Variants in ZNF609 observed in about 807,000 individuals in gnomAD.
ZNF609 encodes the protein zinc finger protein 609.
ZNF609 carries 11 observed loss-of-function variants against 109.5 expected under a neutral mutation model. The observed-to-expected ratio is 0.10, with a 90% CI of 0.06 to 0.17. The LOEUF is 0.17. ZNF609 is among the 10% of genes least tolerant of loss of function. ZNF609 has a pLI of 1.00. For synonymous variants in ZNF609, 646 were observed against 662.0 expected, an observed-to-expected ratio of 0.98 and a Z score of 0.37; for missense variants, 1,559 against 1,772.4, an observed-to-expected ratio of 0.88 and a Z score of 2.16.
chr15:64,677,352 T>A (rs901859471), intron 5 of ZNF609, among the ~76,000 whole-genome samples: 6 of 152,204 alleles, frequency 3.9e-5, no homozygotes, highest in Non-Finnish European at 8.8e-5. Context: ...TAATGTTTTT[T>A]AAAAAGCACT....
intron 2 of ZNF609, among the ~76,000 whole-genome samples, chr15:64,580,959 T>C (rs1045981039): frequency 2.8e-3 from 31 of 11,012 alleles, no homozygotes; most frequent in Non-Finnish European, 6.1e-3. Flanking sequence ...TGTCTTCTTT[T>C]TTTTTTTTTT....
At chr15:64,460,475 G>A (rs1212978734), upstream of ZNF609, among the ~76,000 whole-genome samples, 5 of 152,136 alleles carry the variant, frequency 3.3e-5, no homozygotes, top group Non-Finnish European at 7.4e-5. Context: ...CTTCATCCAG[G>A]TTCCGGGTTT....
intron 1 of ZNF609, among the ~76,000 whole-genome samples, chr15:64,466,761 T>C (rs761885685): frequency 2.0e-5 from 3 of 152,236 alleles, no homozygotes; most frequent in Non-Finnish European, 4.4e-5. Context: ...AAACCACTTA[T>C]GCTTTCCTAG....
chr15:64,677,930 C>T lies in ZNF609; in HGVS notation c.3403-186C>T, dbSNP rs1164432782. 5.3e-5 allele frequency among the ~76,000 whole-genome samples: 8 copies of T among 152,054 alleles called. No individual in the cohort carries two copies. The South Asian group carries it at 8.3e-4, about 16-fold the overall frequency. Reference sequence around the variant, plus strand: ...CTGTGGGTGGGTGCAGAGGTGGGGGCGGGGGCTTTTTAACCAAAAGGGAGC... The same window carrying T: ...CTGTGGGTGGGTGCAGAGGTGGGGGTGGGGGCTTTTTAACCAAAAGGGAGC... On this transcript the variant is annotated intron_variant, in intron 5 of 9. Coordinates refer to ENST00000326648, the MANE Select transcript of ZNF609 (RefSeq NM_015042.2).
intron 2 of ZNF609, among the ~76,000 whole-genome samples, chr15:64,508,775 A>G (rs1032746126): frequency 1.2e-4 from 18 of 150,752 alleles, no homozygotes; most frequent in African/African-American, 4.4e-4. Context: ...TGCAGCCTCA[A>G]CCTCCCATGC....
intron 5 of ZNF609, among the ~76,000 whole-genome samples, chr15:64,677,129 T>G (rs545639121): frequency 7.9e-5 from 12 of 151,948 alleles, no homozygotes; most frequent in African/African-American, 2.7e-4. Flanking sequence ...AATGATGCAG[T>G]CATAGCTCAC....
intron 2 of ZNF609, among the ~76,000 whole-genome samples, chr15:64,510,315 C>A (rs997090494): frequency 3.3e-5 from 5 of 151,794 alleles, no homozygotes; most frequent in Non-Finnish European, 7.4e-5. Flanking sequence ...AGTGGTCTTC[C>A]TGCCTCAGCC....
intron 2 of ZNF609, among the ~76,000 whole-genome samples, chr15:64,557,175 T>C (rs774334261): frequency 1.8e-5 from 2 of 113,752 alleles, no homozygotes; most frequent in Admixed American, 1.2e-4. Context: ...AATGTAATTC[T>C]TTTTTCTTAT....
At chr15:64,545,381 T>C (rs1465710141) in intron 2 of ZNF609, among the ~76,000 whole-genome samples, 2 of 152,092 alleles carry the variant, frequency 1.3e-5, no homozygotes, top group Non-Finnish European at 2.9e-5. Flanking sequence ...GTACTTTTTG[T>C]AGAGATGGGG....
intron 2 of ZNF609, among the ~76,000 whole-genome samples, chr15:64,511,965 A>T (rs1233102320): frequency 1.3e-5 from 2 of 151,352 alleles, no homozygotes; most frequent in Non-Finnish European, 2.9e-5. Context: ...CAACCACCTC[A>T]GCCTCCCAAA....
intron 3 of ZNF609, among the ~76,000 whole-genome samples, chr15:64,663,342 C>G (rs1157455545): frequency 6.6e-6 from 1 of 152,080 alleles, no homozygotes; most frequent in Non-Finnish European, 1.5e-5. Flanking sequence ...GGGTTTTGAC[C>G]TGAACACCTA....
chr15:64,664,268 C>A (rs1413672483), intron 3 of ZNF609, among the ~76,000 whole-genome samples: 1 of 151,954 alleles, frequency 6.6e-6, no homozygotes, highest in African/African-American at 2.4e-5. Context: ...CTGACTAGTG[C>A]CTCATACATG....
chr15:64,483,594 C>T (rs189972118), intron 1 of ZNF609, among the ~76,000 whole-genome samples: 47 of 152,264 alleles, frequency 3.1e-4, no homozygotes, highest in Admixed American at 5.9e-4. Flanking sequence ...CTATGTTGCC[C>T]AGGCTGGTCT....
intron 3 of ZNF609, 92 bp from the exon 4 acceptor site, chr15:64,670,254 C>A: frequency 9.5e-7 from 1 of 1,054,416 alleles, no homozygotes; most frequent in Non-Finnish European, 1.5e-6. Context: ...CCTAAACCCT[C>A]TTATAGAAGT....
intron 2 of ZNF609, among the ~76,000 whole-genome samples, chr15:64,505,325 G>A (rs1893619486): frequency 2.4e-5 from 1 of 40,826 alleles, no homozygotes; most frequent in Non-Finnish European, 1.4e-4. Flanking sequence ...GGCAATTGCA[G>A]GTAAGAAAAA....
chr15:64,657,985 A>T (rs1174628134), intron 3 of ZNF609, among the ~76,000 whole-genome samples: 2 of 152,188 alleles, frequency 1.3e-5, no homozygotes, highest in Non-Finnish European at 2.9e-5. Flanking sequence ...CAAGAATTCA[A>T]ACTGGGCAAG....
intron 2 of ZNF609, chr15:64,500,398 G>A (rs755820254): frequency 1.4e-6 from 1 of 740,446 alleles, no homozygotes; most frequent in South Asian, 1.5e-5. Context: ...TTTGTTGTTG[G>A]GGGCAGCTAC....
intron 1 of ZNF609, among the ~76,000 whole-genome samples, chr15:64,464,463 C>T (rs1360545423): frequency 6.6e-6 from 1 of 152,142 alleles, no homozygotes; most frequent in Non-Finnish European, 1.5e-5. Context: ...GAAAACTGGT[C>T]ATGGATGGGA....
intron 3 of ZNF609, among the ~76,000 whole-genome samples, chr15:64,668,394 G>A (rs988972086): frequency 3.3e-5 from 5 of 152,178 alleles, no homozygotes; most frequent in African/African-American, 1.2e-4. Context: ...ACAACATGGT[G>A]ATGAGTTCCC....
Sources: allele counts gnomAD v4.1 joint callset (sites outside exome capture counted in the v4.1 genomes callset), GRCh38; gene constraint gnomAD v4.1.1; transcripts MANE v1.5; gene names NCBI Gene and HGNC (gene_info 2026-07-23, HGNC 2026-07-21).